Variants in MGAT4C observed in about 807,000 individuals in gnomAD.
MGAT4C encodes the protein MGAT4 family member C.
In MGAT4C, 19 loss-of-function variants were observed where a neutral mutation model predicts 40.1. That is an observed-to-expected ratio of 0.47 (90% CI 0.33 to 0.70). The LOEUF (loss-of-function observed/expected upper bound fraction) is 0.70, where lower values mean the gene tolerates loss of function less well. Among genes scored for constraint, MGAT4C ranks in the 30% least tolerant of loss-of-function variants. The probability of loss-of-function intolerance (pLI) is 0.02; values close to 1 mark genes in which losing one functional copy is unlikely to be tolerated. For missense variants in MGAT4C, 491 were observed against 563.2 expected (o/e 0.87, Z 1.30); for synonymous variants, 181 against 187.1 (o/e 0.97, Z 0.27).
At chr12:86,792,905 T>G (rs1250676214) in intron 1 of MGAT4C, among the ~76,000 whole-genome samples, 1 of 152,284 alleles carries the variant, frequency 6.6e-6, no homozygotes, top group Admixed American at 6.5e-5. Flanking sequence ...CACTCCAGCC[T>G]GGACAACAGA....
intron 2 of MGAT4C, among the ~76,000 whole-genome samples, chr12:86,640,212 G>A (rs966059399): frequency 6.6e-6 from 1 of 151,696 alleles, no homozygotes; most frequent in Non-Finnish European, 1.5e-5. Context: ...CCATATATAA[G>A]TATTTTACAT....
At chr12:86,504,975 G>T (rs894085414) in intron 2 of MGAT4C, among the ~76,000 whole-genome samples, 3 of 152,196 alleles carry the variant, frequency 2.0e-5, no homozygotes, top group Admixed American at 1.3e-4. Context: ...TTAGTTAAAG[G>T]ATACAATATC....
chr12:86,254,014 A>C (rs542166419), intron 1 of MGAT4C, among the ~76,000 whole-genome samples: 2 of 152,100 alleles, frequency 1.3e-5, no homozygotes, highest in African/African-American at 4.8e-5. Context: ...GTATCTTTTC[A>C]TGGCTATTTT....
At chr12:86,090,615 T>C (rs913049553) in intron 1 of MGAT4C, among the ~76,000 whole-genome samples, 3 of 151,868 alleles carry the variant, frequency 2.0e-5, no homozygotes, top group Non-Finnish European at 4.4e-5. Flanking sequence ...AGTCTATGTA[T>C]TTTTTCCAGA....
chr12:86,765,119 A>G (rs918876432), intron 1 of MGAT4C, among the ~76,000 whole-genome samples: 14 of 152,218 alleles, frequency 9.2e-5, no homozygotes, highest in African/African-American at 3.4e-4. Context: ...AAACTTTAAA[A>G]AAAAATTAGA....
At chr12:86,550,606 G>C (rs891202893) in intron 2 of MGAT4C, among the ~76,000 whole-genome samples, 4 of 152,144 alleles carry the variant, frequency 2.6e-5, no homozygotes, top group Non-Finnish European at 4.4e-5. Flanking sequence ...AGTCCACAAA[G>C]GTGGCTTAAC....
chr12:86,601,813 A>AC (rs1006112931), intron 2 of MGAT4C, among the ~76,000 whole-genome samples: 2 of 151,796 alleles, frequency 1.3e-5, no homozygotes, highest in Admixed American at 1.3e-4. Context: ...AAACACACAC[A>AC]CCCCACCCTC....
At chr12:86,025,366 T>C (rs115522118) in intron 2 of MGAT4C, among the ~76,000 whole-genome samples, 1 of 151,740 alleles carries the variant, frequency 6.6e-6, no homozygotes, top group Admixed American at 6.6e-5. Context: ...CATCATTGAT[T>C]CATGGCATTA....
At chr12:86,597,893 C>T (rs1475994632) in intron 2 of MGAT4C, among the ~76,000 whole-genome samples, 2 of 152,140 alleles carry the variant, frequency 1.3e-5, no homozygotes, top group African/African-American at 4.8e-5. Context: ...CTGCTGCAAA[C>T]CCTGCCATCT....
intron 1 of MGAT4C, among the ~76,000 whole-genome samples, chr12:86,079,999 C>G (rs1049600841): frequency 1.3e-5 from 2 of 151,722 alleles, no homozygotes; most frequent in African/African-American, 4.8e-5. Flanking sequence ...TCTACTTGAT[C>G]CCCTACTCTA....
In MGAT4C at chr12:86,379,150, C is replaced by T. The variant is rs566267975; in HGVS notation, c.-119-45023G>A. Among the ~76,000 whole-genome samples, 25 of 152,104 alleles carry T rather than the reference C, an allele frequency of 1.6e-4. 1 individual carries two copies. The South Asian group carries it at 5.0e-3, about 30-fold the overall frequency. The stretch of plus-strand genomic sequence containing the variant: ...TTATTTTTAAAATATTGGTAATACT[C>T]ATATTTACCTTATAAATTTGTGGAA... On this transcript the variant is annotated intron_variant, in intron 3 of 7. Coordinates refer to the MGAT4C transcript ENST00000548651.
chr12:86,271,221 A>C (rs1258161196), intron 4 of MGAT4C, among the ~76,000 whole-genome samples: 2 of 152,224 alleles, frequency 1.3e-5, no homozygotes, highest in Non-Finnish European at 2.9e-5. Flanking sequence ...CAGTGAGGAG[A>C]AAACCTGTTG....
At chr12:86,774,319 C>CTTTCTTTCTTTCTTTCTTTCTTTCT (rs1555227779) in intron 1 of MGAT4C, among the ~76,000 whole-genome samples, 4,731 of 93,646 alleles carry the variant, frequency 0.051, 471 homozygotes, top group East Asian at 0.1. Context: ...TTCTTTCTTT[C>CTTTCTTTCTTTCTTTCTTTCTTTCT]TTTCTTTCTT....
chr12:86,262,826 AAT>A (rs1419000984), intron 4 of MGAT4C, among the ~76,000 whole-genome samples: 1 of 152,074 alleles, frequency 6.6e-6, no homozygotes, highest in East Asian at 1.9e-4. Flanking sequence ...AAGCCATTTT[AAT>A]ATGTTTTCTA....
intron 4 of MGAT4C, among the ~76,000 whole-genome samples, chr12:85,980,697 C>G (rs1207646845): frequency 1.3e-5 from 2 of 151,988 alleles, no homozygotes; most frequent in Non-Finnish European, 2.9e-5. Flanking sequence ...TGAACATTTA[C>G]TGATGAAATT....
At chr12:86,202,668 C>T (rs1434078418) in intron 1 of MGAT4C, among the ~76,000 whole-genome samples, 1 of 151,726 alleles carries the variant, frequency 6.6e-6, no homozygotes, top group Non-Finnish European at 1.5e-5. Context: ...ATTACTAGAT[C>T]TTCATTTAAT....
intron 1 of MGAT4C, among the ~76,000 whole-genome samples, chr12:86,055,660 C>T (rs1050963921): frequency 6.6e-6 from 1 of 151,932 alleles, no homozygotes; most frequent in Admixed American, 6.6e-5. Flanking sequence ...ACACTGGATA[C>T]ACATGTTAAT....
At chr12:86,663,476 G>A (rs1426128605) in intron 2 of MGAT4C, among the ~76,000 whole-genome samples, 8 of 152,120 alleles carry the variant, frequency 5.3e-5, no homozygotes, top group East Asian at 3.9e-4. Context: ...GCCAGAGTAC[G>A]TGTGAAACTT....
intron 4 of MGAT4C, among the ~76,000 whole-genome samples, chr12:86,313,260 G>A (rs1274628373): frequency 2.0e-5 from 3 of 152,102 alleles, no homozygotes; most frequent in African/African-American, 7.2e-5. Context: ...TGAAATCATT[G>A]AGGGTACTCA....
Sources: gnomAD v4.1 joint callset for allele counts (sites outside exome capture counted in the v4.1 genomes callset) on GRCh38, gnomAD v4.1.1 for gene constraint, MANE v1.5 for transcripts, NCBI Gene and HGNC (gene_info 2026-07-23, HGNC 2026-07-21) for gene names.